NEBL: variants seen among roughly 807,000 people sequenced by gnomAD.
The protein encoded by NEBL is LIM and SH3 protein 2.
NEBL carries 122 observed loss-of-function variants against 140.2 expected under a neutral mutation model. That is an observed-to-expected ratio of 0.87 (90% CI 0.75 to 1.01). NEBL has a LOEUF of 1.01. NEBL is among the 50% of genes least tolerant of loss of function. The pLI is 0.00. For missense variants in NEBL, 1,365 were observed against 1,231.3 expected (o/e 1.11, Z -1.62); for synonymous variants, 436 against 398.9 (o/e 1.09, Z -1.11).
chr10:20,866,185 T>C (rs1239655371), intron 7 of NEBL, among the ~76,000 whole-genome samples: 2 of 152,108 alleles, frequency 1.3e-5, no homozygotes, highest in African/African-American at 4.8e-5. Flanking sequence ...TTTTTTATCA[T>C]TATTTTTTCA....
chr10:21,027,021 G>T (rs1378281817), intron 2 of NEBL, among the ~76,000 whole-genome samples: 1 of 152,184 alleles, frequency 6.6e-6, no homozygotes, highest in East Asian at 1.9e-4. Context: ...ATTGCTGGAG[G>T]AGTTAAGCGC....
intron 2 of NEBL, among the ~76,000 whole-genome samples, chr10:21,095,347 G>A (rs1303931693): frequency 6.7e-6 from 1 of 149,926 alleles, no homozygotes; most frequent in Non-Finnish European, 1.5e-5. Flanking sequence ...AAGATAAGAC[G>A]AACATGGTCA....
rs900452772 is a variant in NEBL, at chr10:20,888,160, A to T, written c.306T>A (p.Tyr102Ter). 1 of 1,613,926 alleles carries T rather than the reference A, an allele frequency of 6.2e-7. No homozygotes were observed. Among genetic ancestry groups the T allele is most frequent in the Non-Finnish European group, 8.5e-7 (1 of 1,179,932 alleles). Reference protein sequence around the residue: ...TIKADLSNSLYKRMPATIDSV... With the variant: ...TIKADLSNSL ...TGTCAATTGTGGCTGGCATCCGCTT[A>T]TAAAGAGAATTAGAAAGGTCAGCTT... The change falls in exon 4 of 28, where the codon TAT becomes TAA. Residue 102 changes from tyrosine to a stop codon, truncating the protein, a stop_gained. Coordinates refer to ENST00000377122, the MANE Select transcript of NEBL (RefSeq NM_006393.3). LOFTEE classifies it high-confidence loss of function.
chr10:21,190,204 G>C (rs563605857), intron 3 of NEBL, among the ~76,000 whole-genome samples: 1 of 152,130 alleles, frequency 6.6e-6, no homozygotes, highest in Non-Finnish European at 1.5e-5. Context: ...ATTAGGCCAG[G>C]CCTAGTGGCT....
chr10:20,841,178 TA>T (rs1841384342), intron 12 of NEBL, among the ~76,000 whole-genome samples: 1 of 152,138 alleles, frequency 6.6e-6, no homozygotes, highest in African/African-American at 2.4e-5. Context: ...TTGTTAAAAC[TA>T]TTTTTGAAAG....
rs1004479554 is a variant in NEBL at position 20,860,752 on chromosome 10, A to AT, written c.685-927dup. 5.9e-5 allele frequency among the ~76,000 whole-genome samples: 9 copies of AT among 152,092 alleles called. 1 individual carries two copies. Among genetic ancestry groups the AT allele is most frequent in the Admixed American group, 3.3e-4 (5 of 15,268 alleles). ...AACAACATTCTGATAATGCACCTTT[A>AT]TTCATACATCTAAAGGCTCTGCTTT... On this transcript the variant is annotated intron_variant, in intron 7 of 27. Transcript: ENST00000377122.
chr10:21,242,685 GAGCCACTACAC>G (rs1842456840), intron 3 of NEBL, among the ~76,000 whole-genome samples: 1 of 152,168 alleles, frequency 6.6e-6, no homozygotes, highest in South Asian at 2.1e-4. Flanking sequence ...ATTGAGGAAG[GAGCCACTACAC>G]TAATAATCCT....
At chr10:20,801,486 C>T (rs915616150) in intron 26 of NEBL, among the ~76,000 whole-genome samples, 2 of 152,066 alleles carry the variant, frequency 1.3e-5, no homozygotes, top group African/African-American at 4.8e-5. Context: ...CATAAGTTAC[C>T]ATACCTGGCC....
intron 1 of NEBL, among the ~76,000 whole-genome samples, chr10:21,287,872 G>A (rs1192228398): frequency 6.6e-6 from 1 of 152,100 alleles, no homozygotes; most frequent in African/African-American, 2.4e-5. Flanking sequence ...GACCTTATTT[G>A]GATCCCAGTG....
At chr10:20,950,861 G>A (rs1457214934) in intron 4 of NEBL, among the ~76,000 whole-genome samples, 3 of 152,188 alleles carry the variant, frequency 2.0e-5, no homozygotes, top group Non-Finnish European at 4.4e-5. Context: ...GTTTTTTCCT[G>A]TATTCTTTTT....
At chr10:20,837,183 G>A (rs762299002) in intron 13 of NEBL, among the ~76,000 whole-genome samples, 1 of 151,962 alleles carries the variant, frequency 6.6e-6, no homozygotes, top group Non-Finnish European at 1.5e-5. Context: ...CAGGCCCAAA[G>A]CTAGGACTCT....
chr10:21,276,064 A>G (rs1842920266), intron 1 of NEBL, among the ~76,000 whole-genome samples: 1 of 149,678 alleles, frequency 6.7e-6, no homozygotes, highest in African/African-American at 2.5e-5. Flanking sequence ...TCCGCCTCCT[A>G]GGTTCAAGCG....
chr10:21,032,882 A>G (rs983573911), intron 2 of NEBL, among the ~76,000 whole-genome samples: 6 of 152,192 alleles, frequency 3.9e-5, no homozygotes, highest in African/African-American at 1.4e-4. Context: ...TCTCTCATGT[A>G]TTTATAAAAG....
chr10:21,058,375 A>C (rs954618428), intron 2 of NEBL, among the ~76,000 whole-genome samples: 1 of 152,170 alleles, frequency 6.6e-6, no homozygotes, highest in Non-Finnish European at 1.5e-5. Context: ...ATCAACTTTC[A>C]CTGCAAGTTT....
intron 2 of NEBL, among the ~76,000 whole-genome samples, chr10:21,023,563 C>T (rs558880477): frequency 3.7e-4 from 57 of 152,124 alleles, no homozygotes; most frequent in Admixed American, 1.3e-3. Flanking sequence ...GGCATGGTGG[C>T]GCACACCTGT....
intron 4 of NEBL, chr10:20,961,669 T>C (rs1405108793): frequency 6.3e-7 from 1 of 1,596,418 alleles, no homozygotes; most frequent in Non-Finnish European, 8.6e-7. Context: ...AACAGGCACC[T>C]ACATTACTGA....
At chr10:20,796,759 C>A (rs1451452017) in intron 26 of NEBL, among the ~76,000 whole-genome samples, 1 of 152,118 alleles carries the variant, frequency 6.6e-6, no homozygotes, top group Non-Finnish European at 1.5e-5. Context: ...TTAGGATAAA[C>A]TCTGCAAGTT....
At chr10:21,070,916 C>G (rs1452217931) in intron 2 of NEBL, among the ~76,000 whole-genome samples, 1 of 152,116 alleles carries the variant, frequency 6.6e-6, no homozygotes, top group African/African-American at 2.4e-5. Context: ...GTGGCTCACA[C>G]CTGTAACCCC....
At chr10:21,199,557 G>A (rs1218915686) in intron 3 of NEBL, among the ~76,000 whole-genome samples, 1 of 152,136 alleles carries the variant, frequency 6.6e-6, no homozygotes, top group Non-Finnish European at 1.5e-5. Context: ...GTCACAGGTG[G>A]GCACATGAAC....
Sources: allele counts gnomAD v4.1 joint callset (sites outside exome capture counted in the v4.1 genomes callset), GRCh38; gene constraint gnomAD v4.1.1; transcripts MANE v1.5; gene names NCBI Gene and HGNC (gene_info 2026-07-23, HGNC 2026-07-21).